VWC2L: variants seen among roughly 807,000 people sequenced by gnomAD.
VWC2L encodes von Willebrand factor C domain-containing protein 2-like.
In VWC2L, 10 loss-of-function variants were observed where a neutral mutation model predicts 21.6. The ratio of observed to expected loss-of-function variants is 0.46; its 90% CI spans 0.29 to 0.78. VWC2L has a LOEUF of 0.78. Among genes scored for constraint, VWC2L ranks in the 30% least tolerant of loss-of-function variants. The pLI, the probability that VWC2L is intolerant of heterozygous loss-of-function variation, is 0.10. For missense variants in VWC2L, 209 were observed against 277.1 expected (o/e 0.75, Z 1.74); for synonymous variants, 96 against 94.3 (o/e 1.02, Z -0.10).
chr2:214,516,890 A>G (rs1270232525), intron 3 of VWC2L, among the ~76,000 whole-genome samples: 5 of 152,198 alleles, frequency 3.3e-5, no homozygotes, highest in Middle Eastern at 3.2e-3. Flanking sequence ...AAGAAAAATA[A>G]TATCTTCCTG....
chr2:214,539,565 G>C (rs1689594335), intron 3 of VWC2L, among the ~76,000 whole-genome samples: 2 of 152,098 alleles, frequency 1.3e-5, no homozygotes, highest in Admixed American at 6.6e-5. Context: ...TACTTATCCA[G>C]AAACTTTGTT....
At chr2:214,491,889 C>T (rs1190216308) in intron 3 of VWC2L, among the ~76,000 whole-genome samples, 1 of 152,196 alleles carries the variant, frequency 6.6e-6, no homozygotes, top group Non-Finnish European at 1.5e-5. Flanking sequence ...TTCTTCTCCC[C>T]CTTTTTCTCT....
chr2:214,551,296 T>C lies in VWC2L; in HGVS notation c.521-24376T>C, dbSNP rs1210715312. On this transcript the variant is annotated intron_variant, in intron 3 of 3. Transcript: ENST00000312504. ...AGGAAAGAATATCGTTCTGATCTTT[T>C]AAAGGTCTCAGTCAAATTTTACAAA... Among the ~76,000 whole-genome samples the C allele has an allele frequency of 2.0e-5, 3 of 152,172 alleles. No homozygotes were observed. In the East Asian group the frequency reaches 5.8e-4, roughly 29 times the overall value.
intron 3 of VWC2L, among the ~76,000 whole-genome samples, chr2:214,521,861 G>C (rs1259408994): frequency 6.6e-6 from 1 of 152,228 alleles, no homozygotes; most frequent in East Asian, 1.9e-4. Flanking sequence ...AGCGACATTA[G>C]GGAGATAGGT....
chr2:214,516,130 G>A (rs1429098941), intron 3 of VWC2L, among the ~76,000 whole-genome samples: 1 of 151,932 alleles, frequency 6.6e-6, no homozygotes, highest in Non-Finnish European at 1.5e-5. Flanking sequence ...ACTTCATACT[G>A]ATAACTTGAA....
intron 3 of VWC2L, among the ~76,000 whole-genome samples, chr2:214,531,457 C>G (rs751419474): frequency 6.6e-6 from 1 of 152,076 alleles, no homozygotes. Flanking sequence ...AGTAGAGAAA[C>G]GTGAAAACAA....
intron 3 of VWC2L, among the ~76,000 whole-genome samples, chr2:214,555,739 A>G (rs1226791558): frequency 1.3e-5 from 2 of 152,142 alleles, no homozygotes; most frequent in African/African-American, 4.8e-5. Flanking sequence ...AAAAACTAAG[A>G]TTTCTAAACT....
chr2:214,552,742 A>G (rs975353883), intron 3 of VWC2L, among the ~76,000 whole-genome samples: 22 of 152,168 alleles, frequency 1.4e-4, no homozygotes, highest in South Asian at 6.2e-4. Context: ...ATCCACTTTC[A>G]TGAATTCAAT....
At chr2:214,551,000 A>G (rs1318306149) in intron 3 of VWC2L, among the ~76,000 whole-genome samples, 2 of 152,204 alleles carry the variant, frequency 1.3e-5, no homozygotes, top group African/African-American at 4.8e-5. Context: ...TGACTCAGCT[A>G]CACAACTTCC....
chr2:214,445,152 A>T (rs555362793), intron 3 of VWC2L, among the ~76,000 whole-genome samples: 2 of 152,002 alleles, frequency 1.3e-5, no homozygotes, highest in Non-Finnish European at 2.9e-5. Context: ...ATTCTCACAC[A>T]CTACTGGTAA....
intron 3 of VWC2L, among the ~76,000 whole-genome samples, chr2:214,469,505 G>C (rs1054251045): frequency 6.6e-6 from 1 of 152,092 alleles, no homozygotes; most frequent in Admixed American, 6.5e-5. Context: ...TGAAGCAGGA[G>C]AATGGCATGA....
chr2:214,457,090 A>C (rs1703068971), intron 3 of VWC2L, among the ~76,000 whole-genome samples: 1 of 152,058 alleles, frequency 6.6e-6, no homozygotes, highest in Non-Finnish European at 1.5e-5. Flanking sequence ...AATTTTAAAA[A>C]ATTTCTGTGA....
intron 3 of VWC2L, chr2:214,510,346 T>C (rs946179789): frequency 6.6e-6 from 1 of 152,246 alleles, no homozygotes; most frequent in Admixed American, 6.5e-5. Flanking sequence ...ATTAAATATT[T>C]AATTCATTTA....
At chr2:214,438,807 C>A (rs1225033386) in intron 3 of VWC2L, among the ~76,000 whole-genome samples, 1 of 151,970 alleles carries the variant, frequency 6.6e-6, no homozygotes, top group African/African-American at 2.4e-5. Context: ...AATGAATAGA[C>A]TTTACTTGTT....
intron 3 of VWC2L, among the ~76,000 whole-genome samples, chr2:214,499,600 T>C (rs1488093346): frequency 1.3e-5 from 2 of 152,024 alleles, no homozygotes; most frequent in Non-Finnish European, 2.9e-5. Context: ...CATGTATACA[T>C]ATGTACCAAA....
At chr2:214,503,507 C>T (rs1314246033) in intron 3 of VWC2L, among the ~76,000 whole-genome samples, 2 of 151,970 alleles carry the variant, frequency 1.3e-5, no homozygotes, top group Non-Finnish European at 1.5e-5. Flanking sequence ...TCATCAAAGT[C>T]ATAATGTGGC....
intron 3 of VWC2L, among the ~76,000 whole-genome samples, chr2:214,549,277 T>C (rs944583816): frequency 6.6e-6 from 1 of 152,372 alleles, no homozygotes; most frequent in Middle Eastern, 3.4e-3. Context: ...GTGACATATT[T>C]ACAGGTTGTG....
At chr2:214,468,648 A>T (rs1410720677) in intron 3 of VWC2L, among the ~76,000 whole-genome samples, 2 of 152,202 alleles carry the variant, frequency 1.3e-5, no homozygotes, top group African/African-American at 2.4e-5. Context: ...AAAAAAAATC[A>T]AAGTAATTAA....
chr2:214,556,136 T>C (rs1218468935), intron 3 of VWC2L, among the ~76,000 whole-genome samples: 9 of 152,310 alleles, frequency 5.9e-5, no homozygotes, highest in South Asian at 2.1e-4. Flanking sequence ...GGCATGAGCC[T>C]GTAATCCCAG....
Sources: allele counts gnomAD v4.1 joint callset (sites outside exome capture counted in the v4.1 genomes callset), GRCh38; gene constraint gnomAD v4.1.1; transcripts MANE v1.5; gene names NCBI Gene and HGNC (gene_info 2026-07-23, HGNC 2026-07-21).